Variants in SEM1 observed in about 807,000 individuals in gnomAD.
The protein encoded by SEM1 is 26S proteasome complex subunit SEM1.
In SEM1, 3 loss-of-function variants were observed where a neutral mutation model predicts 12.7. The observed-to-expected ratio is 0.24, with a 90% confidence interval of 0.11 to 0.61. The LOEUF (loss-of-function observed/expected upper bound fraction) is 0.61, where lower values mean the gene tolerates loss of function less well. Ranked by LOEUF, SEM1 falls within the 20% of genes least tolerant of loss-of-function variation. The pLI is 0.88. For missense variants in SEM1, 59 were observed against 81.3 expected (o/e 0.73, Z 1.06); for synonymous variants, 30 against 27.8 (o/e 1.08, Z -0.25).
chr7:96,608,798 T>C (rs1807459073), intron 2 of SEM1, among the ~76,000 whole-genome samples: 1 of 152,256 alleles, frequency 6.6e-6, no homozygotes, highest in African/African-American at 2.4e-5. Flanking sequence ...ATGTATATAC[T>C]GCATTTTGTT....
chr7:96,585,754 C>T (rs1806607423), intron 2 of SEM1, among the ~76,000 whole-genome samples: 2 of 152,140 alleles, frequency 1.3e-5, no homozygotes, highest in East Asian at 1.9e-4. Flanking sequence ...TCACCCCTTT[C>T]TTTGACTAGG....
At chr7:96,535,207 A>C (rs1052171429) in intron 2 of SEM1, among the ~76,000 whole-genome samples, 1 of 151,970 alleles carries the variant, frequency 6.6e-6, no homozygotes, top group Middle Eastern at 3.2e-3. Context: ...GTAAAGTTAA[A>C]TTTGTAAAAT....
intron 2 of SEM1, among the ~76,000 whole-genome samples, chr7:96,512,098 C>G (rs1377173955): frequency 6.6e-6 from 1 of 152,104 alleles, no homozygotes; most frequent in East Asian, 1.9e-4. Context: ...CTTTTGGACA[C>G]TGTGCTCCTG....
intron 2 of SEM1, among the ~76,000 whole-genome samples, chr7:96,665,045 T>C (rs889720164): frequency 2.0e-5 from 3 of 152,136 alleles, no homozygotes; most frequent in Admixed American, 6.6e-5. Context: ...ACGTGTTCAG[T>C]GGGCTCAGCA....
intron 2 of SEM1, among the ~76,000 whole-genome samples, chr7:96,694,337 TTA>T (rs1790025548): frequency 6.6e-6 from 1 of 151,980 alleles, no homozygotes; most frequent in Non-Finnish European, 1.5e-5. Context: ...ATGCTTAATT[TTA>T]TGTTACATGA....
intron 1 of SEM1, among the ~76,000 whole-genome samples, chr7:96,493,670 C>G (rs1803120460): frequency 6.6e-6 from 1 of 152,118 alleles, no homozygotes; most frequent in South Asian, 2.1e-4. Context: ...ACTCCCCACT[C>G]AAGAATCTAC....
intron 2 of SEM1, among the ~76,000 whole-genome samples, chr7:96,512,434 C>T (rs1312861486): frequency 1.3e-5 from 2 of 152,148 alleles, no homozygotes; most frequent in East Asian, 1.9e-4. Context: ...CCTGCCTGTT[C>T]CACCTCTGGT....
chr7:96,554,771 G>C (rs1219557520), intron 2 of SEM1, among the ~76,000 whole-genome samples: 8 of 151,284 alleles, frequency 5.3e-5, no homozygotes, highest in Non-Finnish European at 1.2e-4. Context: ...AGAAGGAATG[G>C]TACCAGTTCC....
chr7:96,490,918 T>C (rs979835941), intron 1 of SEM1, among the ~76,000 whole-genome samples: 3 of 152,160 alleles, frequency 2.0e-5, no homozygotes, highest in African/African-American at 7.2e-5. Flanking sequence ...TGGCAGTGGA[T>C]ACAGTGGGAC....
At chr7:96,625,382 A>G (rs1434749531) in intron 2 of SEM1, among the ~76,000 whole-genome samples, 1 of 152,228 alleles carries the variant, frequency 6.6e-6, no homozygotes, top group Admixed American at 6.5e-5. Context: ...AAATAAATGA[A>G]AGAACTACAA....
chr7:96,539,924 A>C (rs1012995095), intron 2 of SEM1, among the ~76,000 whole-genome samples: 1 of 151,240 alleles, frequency 6.6e-6, no homozygotes, highest in Non-Finnish European at 1.5e-5. Flanking sequence ...TTGCCATATA[A>C]AAGTAATAGC....
At chr7:96,513,362 C>T (rs1242029707) in intron 2 of SEM1, among the ~76,000 whole-genome samples, 2 of 152,074 alleles carry the variant, frequency 1.3e-5, no homozygotes, top group African/African-American at 2.4e-5. Flanking sequence ...GTTTGTGGTA[C>T]TTTCTTACAG....
At chr7:96,656,541 A>G (rs1429321670) in intron 2 of SEM1, 1 of 151,842 alleles carries the variant, frequency 6.6e-6, no homozygotes, top group African/African-American at 2.4e-5. Context: ...AACTTCCATG[A>G]TAAGTTATAC....
At chr7:96,680,099 C>A (rs1584857771) in intron 2 of SEM1, among the ~76,000 whole-genome samples, 1 of 152,124 alleles carries the variant, frequency 6.6e-6, no homozygotes, top group Admixed American at 6.6e-5. Context: ...TACTCTGACT[C>A]CCCTCCCCTA....
intron 2 of SEM1, among the ~76,000 whole-genome samples, chr7:96,615,216 A>G (rs1807671274): frequency 7.8e-6 from 1 of 128,192 alleles, no homozygotes; most frequent in African/African-American, 3.0e-5. Context: ...TGTGGACTGG[A>G]CTGTTGGGTT....
intron 1 of SEM1, among the ~76,000 whole-genome samples, chr7:96,489,866 A>G (rs143196816): frequency 6.6e-6 from 1 of 152,264 alleles, no homozygotes; most frequent in Non-Finnish European, 1.5e-5. Flanking sequence ...ATGGATGACA[A>G]TGACTAGATT....
intron 2 of SEM1, among the ~76,000 whole-genome samples, chr7:96,614,592 T>C (rs1222530469): frequency 6.6e-6 from 1 of 152,224 alleles, no homozygotes; most frequent in Non-Finnish European, 1.5e-5. Flanking sequence ...TATCAGTTTA[T>C]TCAGCCTTCG....
chr7:96,524,069 C>G (rs12537493), intron 2 of SEM1, among the ~76,000 whole-genome samples: 45,769 of 151,964 alleles, frequency 0.3, 8,478 homozygotes, highest in East Asian at 0.67. Context: ...CAGGGCACTT[C>G]TTATGTAGAC....
At chr7:96,706,987 C>T (rs1335246167) in intron 1 of SEM1, among the ~76,000 whole-genome samples, 1 of 152,176 alleles carries the variant, frequency 6.6e-6, no homozygotes, top group Non-Finnish European at 1.5e-5. Flanking sequence ...GAAAGTAAAT[C>T]AGGGCATTAA....
Sources: gnomAD v4.1 joint callset for allele counts (sites outside exome capture counted in the v4.1 genomes callset) on GRCh38, gnomAD v4.1.1 for gene constraint, MANE v1.5 for transcripts, NCBI Gene and HGNC (gene_info 2026-07-23, HGNC 2026-07-21) for gene names.